RBFOX1: variants seen among roughly 807,000 people sequenced by gnomAD.
RBFOX1 encodes RNA binding protein fox-1 homolog 1.
In RBFOX1, 8 loss-of-function variants were observed where a neutral mutation model predicts 57.7. The ratio of observed to expected loss-of-function variants is 0.14; its 90% CI spans 0.08 to 0.25. The LOEUF is 0.25. RBFOX1 is among the 10% of genes least tolerant of loss of function. The pLI is 1.00. For missense variants in RBFOX1, 611 were observed against 548.5 expected, an observed-to-expected ratio of 1.11 and a Z score of -1.14; for synonymous variants, 326 against 222.4, an observed-to-expected ratio of 1.47 and a Z score of -4.15.
At chr16:6,397,461 G>T (rs1245498120) in intron 2 of RBFOX1, among the ~76,000 whole-genome samples, 1 of 151,906 alleles carries the variant, frequency 6.6e-6, no homozygotes, top group Non-Finnish European at 1.5e-5. Flanking sequence ...ATCCTTCACA[G>T]AAATTAATAG....
chr16:7,364,741 G>C (rs888112874), intron 4 of RBFOX1, among the ~76,000 whole-genome samples: 1 of 152,134 alleles, frequency 6.6e-6, no homozygotes, highest in Non-Finnish European at 1.5e-5. Flanking sequence ...CCAGGGCAGG[G>C]AATACTTGCT....
At chr16:5,851,940 C>T (rs189535548) in intron 3 of RBFOX1, among the ~76,000 whole-genome samples, 3 of 152,010 alleles carry the variant, frequency 2.0e-5, no homozygotes, top group Non-Finnish European at 2.9e-5. Flanking sequence ...TAGAGGCACC[C>T]GAATTAAAAG....
In RBFOX1 at chr16:7,584,187, T is replaced by G. The variant is rs115280709; in HGVS notation, c.415-3060T>G. ...CTTTTACGTTTTATGCTGTATCCAT[T>G]GAACATCCCTCACAGTTTTTCAGAG... On this transcript the variant is annotated intron_variant, in intron 6 of 15. Transcript: ENST00000550418. Among the ~76,000 whole-genome samples, 1,031 of 152,322 alleles carry G rather than the reference T, an allele frequency of 6.8e-3. 9 individuals carry two copies. The highest frequency in any genetic ancestry group is 0.023 in the African/African-American group (962 of 41,572).
At chr16:5,566,829 C>T (rs1395400975) in intron 2 of RBFOX1, among the ~76,000 whole-genome samples, 4 of 152,040 alleles carry the variant, frequency 2.6e-5, no homozygotes, top group Admixed American at 6.5e-5. Context: ...CACACCGCAT[C>T]GACTCACTCC....
intron 4 of RBFOX1, among the ~76,000 whole-genome samples, chr16:7,327,100 A>T (rs919237397): frequency 2.0e-5 from 3 of 152,290 alleles, no homozygotes; most frequent in African/African-American, 7.2e-5. Context: ...CTTTCGGACA[A>T]AGGTGATGGT....
At chr16:7,003,627 T>C (rs1464799857) in intron 3 of RBFOX1, among the ~76,000 whole-genome samples, 3 of 152,152 alleles carry the variant, frequency 2.0e-5, no homozygotes, top group Non-Finnish European at 2.9e-5. Context: ...CAGGAAAGTT[T>C]TGTTAGCTAT....
At chr16:5,693,936 G>C (rs1180818653) in intron 3 of RBFOX1, among the ~76,000 whole-genome samples, 1 of 152,178 alleles carries the variant, frequency 6.6e-6, no homozygotes. Flanking sequence ...AGGTGGCAAT[G>C]GCCTTGTGTT....
intron 4 of RBFOX1, among the ~76,000 whole-genome samples, chr16:7,365,523 G>C (rs1419687113): frequency 7.9e-5 from 12 of 152,202 alleles, no homozygotes; most frequent in Non-Finnish European, 1.8e-4. Context: ...AATGTGTTAA[G>C]ACATTTTTGG....
At chr16:6,313,749 A>G (rs1257102252) in intron 1 of RBFOX1, among the ~76,000 whole-genome samples, 2 of 151,926 alleles carry the variant, frequency 1.3e-5, no homozygotes, top group African/African-American at 4.8e-5. Flanking sequence ...TTCCACTGGG[A>G]CCTGAGATTC....
chr16:5,963,406 G>GA (rs952470974), intron 4 of RBFOX1, among the ~76,000 whole-genome samples: 4 of 152,166 alleles, frequency 2.6e-5, no homozygotes, highest in African/African-American at 9.7e-5. Flanking sequence ...TGTACACACA[G>GA]AAAAAATCCA....
chr16:7,605,429 T>C (rs550037042), intron 9 of RBFOX1, among the ~76,000 whole-genome samples: 32 of 152,288 alleles, frequency 2.1e-4, no homozygotes, highest in African/African-American at 6.7e-4. Flanking sequence ...TCCCAGGTAA[T>C]AGAAGTATAA....
In RBFOX1 at chr16:7,708,960, G is replaced by A. The variant is rs1213314909; in HGVS notation, c.996-96G>A. The A allele has an allele frequency of 7.3e-6, 8 of 1,100,358 alleles. No homozygotes were observed. In the African/African-American group the frequency reaches 1.2e-4, roughly 17 times the overall value. The allele number at this position is 1,100,358 out of a possible 1,614,324, so 68.2% of individuals were successfully genotyped here. On this transcript the variant is annotated intron_variant, in intron 14 of 15. Transcript: ENST00000550418. ...TGCTTCTCACTGGAAGATGAGTAGG[G>A]CCCCTGCATACTGTCTTGGTATTTT...
At chr16:6,608,355 T>C (rs2097978635) in intron 2 of RBFOX1, among the ~76,000 whole-genome samples, 1 of 152,208 alleles carries the variant, frequency 6.6e-6, no homozygotes, top group South Asian at 2.1e-4. Flanking sequence ...AATCCCAGTA[T>C]TATTGTTCAC....
chr16:6,658,879 C>T (rs2098680282), intron 3 of RBFOX1, among the ~76,000 whole-genome samples: 1 of 151,658 alleles, frequency 6.6e-6, no homozygotes. Context: ...GAGTTTTTCA[C>T]CCTTTAATAG....
chr16:7,683,639 C>T (rs2075409223), intron 14 of RBFOX1, among the ~76,000 whole-genome samples: 2 of 151,944 alleles, frequency 1.3e-5, no homozygotes, highest in South Asian at 2.1e-4. Context: ...CATGTCATGG[C>T]CTAATTACAC....
chr16:5,490,596 G>T (rs2042795034), intron 2 of RBFOX1, among the ~76,000 whole-genome samples: 1 of 152,158 alleles, frequency 6.6e-6, no homozygotes. Flanking sequence ...GGGGTGAGGG[G>T]GTGATGAGTG....
rs574051396 is a variant in RBFOX1 at position 7,212,642 on chromosome 16, C to T, written c.27+160544C>T. ...TCCACAAGTTGTTTTAGAAAAAAAA[C>T]GAGAAAATAGCCTCAATATTTGAGG... On this transcript the variant is annotated intron_variant, in intron 4 of 15. Transcript: ENST00000550418. 2.9e-4 allele frequency among the ~76,000 whole-genome samples: 43 copies of T among 149,510 alleles called. No homozygotes were observed. The South Asian group carries it at 5.4e-3, about 19-fold the overall frequency.
Position 7,024,612 on chromosome 16 carries a change from A to T in RBFOX1, c.-15-27445A>T, listed in dbSNP as rs191923172. Among the ~76,000 whole-genome samples the T allele has an allele frequency of 9.2e-5, 14 of 152,078 alleles. No individual in the cohort carries two copies. In the East Asian group the frequency reaches 2.7e-3, roughly 30 times the overall value. On this transcript the variant is annotated intron_variant, in intron 3 of 15. Coordinates refer to ENST00000550418, the MANE Select transcript of RBFOX1 (RefSeq NM_018723.4). The stretch of plus-strand genomic sequence containing the variant: ...TGCAAGCGATAACTGTGGGGTCGCC[A>T]CTCCCCTGCCACCATCTTTGTTTGA...
At chr16:6,550,178 T>G (rs190584741) in intron 2 of RBFOX1, among the ~76,000 whole-genome samples, 1 of 151,978 alleles carries the variant, frequency 6.6e-6, no homozygotes, top group Non-Finnish European at 1.5e-5. Context: ...GTACACTTCT[T>G]TTTTGGGGGT....
Sources: gnomAD v4.1 joint callset for allele counts (sites outside exome capture counted in the v4.1 genomes callset) on GRCh38, gnomAD v4.1.1 for gene constraint, MANE v1.5 for transcripts, NCBI Gene and HGNC (gene_info 2026-07-23, HGNC 2026-07-21) for gene names.